ZNF618: variants seen among roughly 807,000 people sequenced by gnomAD.
ZNF618 encodes the protein zinc finger protein 618, also known as neural precursor cell expressed, developmentally down-regulated 10.
In ZNF618, 34 loss-of-function variants were observed where a neutral mutation model predicts 103.0. The observed-to-expected ratio is 0.33, with a 90% CI of 0.25 to 0.44. The LOEUF is 0.44. Ranked by LOEUF, ZNF618 falls within the 20% of genes least tolerant of loss-of-function variation. The probability of loss-of-function intolerance (pLI) is 1.00; values close to 1 mark genes in which losing one functional copy is unlikely to be tolerated. For synonymous variants in ZNF618, 551 were observed against 542.2 expected (o/e 1.02, Z -0.23); for missense variants, 1,059 against 1,295.4 (o/e 0.82, Z 2.80).
chr9:113,945,804 A>T (rs2132155665), intron 1 of ZNF618, among the ~76,000 whole-genome samples: 1 of 152,368 alleles, frequency 6.6e-6, no homozygotes. Flanking sequence ...ACTTTTCCTA[A>T]TAGAATTTTA....
intron 2 of ZNF618, among the ~76,000 whole-genome samples, chr9:113,976,432 C>G (rs1006358434): frequency 6.6e-6 from 1 of 152,214 alleles, no homozygotes; most frequent in African/African-American, 2.4e-5. Context: ...AACAGAGGCC[C>G]TTGATCTGAG....
At chr9:113,969,047 T>A in intron 1 of ZNF618, 70 bp from the exon 2 acceptor site, 1 of 1,564,030 alleles carries the variant, frequency 6.4e-7, no homozygotes, top group Non-Finnish European at 8.8e-7. Flanking sequence ...GGGAGCTTGA[T>A]GGGGTGGCAG....
At chr9:114,020,435 C>A (rs997206519) in intron 10 of ZNF618, among the ~76,000 whole-genome samples, 23 of 152,034 alleles carry the variant, frequency 1.5e-4, no homozygotes, top group Admixed American at 6.6e-5. Context: ...ATTGGGTCTC[C>A]CAATCCATGA....
Position 114,045,192 on chromosome 9 carries a change from A to G in ZNF618, c.1247-2701A>G, listed in dbSNP as rs141400701. Among the ~76,000 whole-genome samples, 717 of 152,184 alleles carry G rather than the reference A, an allele frequency of 4.7e-3. 11 individuals are homozygous for G. The East Asian group carries it at 0.049, about 10-fold the overall frequency. ...CTTTCTTGATGTCCTTCAAAGTATG[A>G]AAGTTTTTAATTTTGAAGTCCATTC... On this transcript the variant is annotated intron_variant, in intron 13 of 14. Transcript: ENST00000374126.
At chr9:113,888,604 C>T (rs1231818806) in intron 1 of ZNF618, among the ~76,000 whole-genome samples, 2 of 152,260 alleles carry the variant, frequency 1.3e-5, no homozygotes, top group Middle Eastern at 3.2e-3. Flanking sequence ...CAGCATCGCT[C>T]ACTGCCCTGA....
chr9:113,909,910 G>C (rs549074002), intron 1 of ZNF618, among the ~76,000 whole-genome samples: 1 of 151,786 alleles, frequency 6.6e-6, no homozygotes, highest in African/African-American at 2.4e-5. Context: ...TCAGCCTCCC[G>C]AGTAGCTGGG....
intron 1 of ZNF618, among the ~76,000 whole-genome samples, chr9:113,888,245 G>A (rs1291763039): frequency 6.6e-6 from 1 of 152,186 alleles, no homozygotes; most frequent in East Asian, 1.9e-4. Context: ...TGGAGTCGAT[G>A]GATGGGCTGG....
At chr9:114,027,449 C>A (rs987409709) in intron 10 of ZNF618, among the ~76,000 whole-genome samples, 1 of 152,206 alleles carries the variant, frequency 6.6e-6, no homozygotes, top group Admixed American at 6.5e-5. Context: ...TGACCCTCCA[C>A]GGGGGAGAAT....
intron 1 of ZNF618, among the ~76,000 whole-genome samples, chr9:113,916,812 C>G (rs1832137191): frequency 6.6e-6 from 1 of 152,162 alleles, no homozygotes; most frequent in African/African-American, 2.4e-5. Flanking sequence ...TTGCTCTGTC[C>G]CAATTCTGGA....
chr9:113,889,451 A>G (rs1829418615), intron 1 of ZNF618, among the ~76,000 whole-genome samples: 1 of 152,186 alleles, frequency 6.6e-6, no homozygotes, highest in African/African-American at 2.4e-5. Context: ...ATGTGCCAAG[A>G]TAGATAGCAC....
At chr9:114,011,377 C>T (rs948767844) in intron 9 of ZNF618, among the ~76,000 whole-genome samples, 6 of 152,246 alleles carry the variant, frequency 3.9e-5, no homozygotes, top group African/African-American at 1.4e-4. Context: ...CTAAGTCTGA[C>T]AGACAGCCAA....
At chr9:113,926,749 A>G (rs1833131306) in intron 1 of ZNF618, among the ~76,000 whole-genome samples, 1 of 152,214 alleles carries the variant, frequency 6.6e-6, no homozygotes, top group Non-Finnish European at 1.5e-5. Context: ...ACTGTAGCTC[A>G]TGCTTGTAAT....
intron 6 of ZNF618, among the ~76,000 whole-genome samples, chr9:114,006,161 C>T (rs934707739): frequency 2.6e-5 from 4 of 152,160 alleles, no homozygotes; most frequent in Non-Finnish European, 2.9e-5. Flanking sequence ...TACCTGGCAG[C>T]GTAACCTTGT....
intron 1 of ZNF618, among the ~76,000 whole-genome samples, chr9:113,906,227 G>A (rs1830977155): frequency 6.6e-6 from 1 of 152,130 alleles, no homozygotes; most frequent in Non-Finnish European, 1.5e-5. Flanking sequence ...AGGCTGCGCT[G>A]TTTTATATTT....
chr9:113,893,044 A>G (rs1331117986), intron 1 of ZNF618, among the ~76,000 whole-genome samples: 1 of 152,250 alleles, frequency 6.6e-6, no homozygotes, highest in Non-Finnish European at 1.5e-5. Flanking sequence ...CAGATAAATT[A>G]CTGCACTGCC....
intron 1 of ZNF618, among the ~76,000 whole-genome samples, chr9:113,894,491 T>C (rs895185851): frequency 6.6e-6 from 1 of 152,126 alleles, no homozygotes; most frequent in African/African-American, 2.4e-5. Context: ...AGGCAACTTC[T>C]TGAGGGAAGT....
At chr9:113,962,746 G>C (rs993710973) in intron 1 of ZNF618, among the ~76,000 whole-genome samples, 1 of 152,114 alleles carries the variant, frequency 6.6e-6, no homozygotes, top group Non-Finnish European at 1.5e-5. Context: ...ATTGCAGCCT[G>C]TGGCTCCTCC....
intron 1 of ZNF618, among the ~76,000 whole-genome samples, chr9:113,910,746 C>T (rs1030715934): frequency 1.3e-5 from 2 of 152,278 alleles, no homozygotes; most frequent in East Asian, 1.9e-4. Flanking sequence ...CCCGTCTTCC[C>T]GTCCCAGCTG....
At chr9:114,046,751 G>A (rs1472364357) in intron 13 of ZNF618, among the ~76,000 whole-genome samples, 1 of 152,062 alleles carries the variant, frequency 6.6e-6, no homozygotes, top group Non-Finnish European at 1.5e-5. Flanking sequence ...TCATGAAAAA[G>A]GTGTTAGATT....
Sources: gnomAD v4.1 joint callset for allele counts (sites outside exome capture counted in the v4.1 genomes callset) on GRCh38, gnomAD v4.1.1 for gene constraint, MANE v1.5 for transcripts, NCBI Gene and HGNC (gene_info 2026-07-23, HGNC 2026-07-21) for gene names.